BCL7A: variants seen among roughly 807,000 people sequenced by gnomAD.
BCL7A encodes the protein BAF chromatin remodeling complex subunit BCL7A, also known as B-cell CLL/lymphoma 7 protein family member A.
BCL7A carries 11 observed loss-of-function variants against 28.4 expected under a neutral mutation model. The observed-to-expected ratio is 0.39, with a 90% CI of 0.24 to 0.64. BCL7A has a LOEUF of 0.64. Among genes scored for constraint, BCL7A ranks in the 30% least tolerant of loss-of-function variants. The pLI, the probability that BCL7A is intolerant of heterozygous loss-of-function variation, is 0.50. For synonymous variants in BCL7A, 123 were observed against 103.3 expected, an observed-to-expected ratio of 1.19 and a Z score of -1.15; for missense variants, 222 against 274.8, an observed-to-expected ratio of 0.81 and a Z score of 1.36.
intron 1 of BCL7A, 69 bp downstream of exon 1, chr12:122,022,252 C>G: frequency 1.0e-6 from 1 of 977,668 alleles, no homozygotes; most frequent in Non-Finnish European, 1.3e-6. Context: ...TCCAGAGAGC[C>G]GCGGGGCGCA....
chr12:122,039,246 A>G (rs923715125), intron 3 of BCL7A, among the ~76,000 whole-genome samples: 12 of 151,368 alleles, frequency 7.9e-5, no homozygotes, highest in East Asian at 1.9e-4. Context: ...TCAGTGAGCC[A>G]AGATCACGCC....
intron 1 of BCL7A, among the ~76,000 whole-genome samples, chr12:122,030,327 C>T (rs1296271343): frequency 1.3e-5 from 2 of 152,250 alleles, no homozygotes; most frequent in African/African-American, 4.8e-5. Context: ...GGCCTGCTGG[C>T]CTGAAGCCCT....
At chr12:122,035,304 T>C (rs770914102) in intron 2 of BCL7A, 27 bp from the exon 3 acceptor site, 1 of 1,598,336 alleles carries the variant, frequency 6.3e-7, no homozygotes, top group Middle Eastern at 1.7e-4. Flanking sequence ...TCTGGTGACT[T>C]GGTTTCTGCT....
Position 122,060,033 on chromosome 12 carries a change from T to C in BCL7A, c.*870T>C. ...CCCCATCACTGCTTTCTCCCAGACC[T>C]CCGAATACGAAATGGCTTCTCTGGC... is the stretch of plus-strand genomic sequence containing the variant. On this transcript the variant is annotated 3_prime_UTR_variant, in exon 6 of 6. Transcript: ENST00000261822. The C allele has an allele frequency of 4.3e-6, 1 of 233,224 alleles. No individual in the cohort carries two copies. Among genetic ancestry groups the C allele is most frequent in the Non-Finnish European group, 8.5e-6 (1 of 117,786 alleles). 14.4% of individuals were successfully genotyped at this position (233,224 alleles called of 1,614,324 possible). A position where few individuals can be genotyped will look rare whatever the true frequency, so the allele number is the denominator to read the frequency against.
At chr12:122,049,267 A>G (rs1156240999) in intron 4 of BCL7A, among the ~76,000 whole-genome samples, 1 of 151,136 alleles carries the variant, frequency 6.6e-6, no homozygotes, top group Non-Finnish European at 1.5e-5. Flanking sequence ...GAAGAAAGTA[A>G]GAAAGTGTGG....
intron 4 of BCL7A, among the ~76,000 whole-genome samples, chr12:122,048,324 T>G (rs931082256): frequency 2.6e-5 from 4 of 152,216 alleles, no homozygotes; most frequent in African/African-American, 9.6e-5. Context: ...TTGACTCATT[T>G]GTGGTATTGC....
intron 4 of BCL7A, among the ~76,000 whole-genome samples, chr12:122,046,904 G>GT (rs746529090): frequency 0.013 from 1,858 of 138,796 alleles, 15 homozygotes; most frequent in African/African-American, 0.026. Flanking sequence ...TATTTCTTGG[G>GT]TTTTTTTTTT....
At chr12:122,040,333 G>C (rs1883940633) in intron 3 of BCL7A, among the ~76,000 whole-genome samples, 1 of 152,046 alleles carries the variant, frequency 6.6e-6, no homozygotes, top group African/African-American at 2.4e-5. Flanking sequence ...GAGTTGGAGA[G>C]CAGCCTGGCC....
chr12:122,058,016 C>G (rs1201368131), intron 5 of BCL7A, among the ~76,000 whole-genome samples: 2 of 150,886 alleles, frequency 1.3e-5, no homozygotes, highest in Admixed American at 6.6e-5. Context: ...ATAGCAAGAC[C>G]CCATCTCTAC....
intron 3 of BCL7A, among the ~76,000 whole-genome samples, chr12:122,039,170 G>A (rs1418768497): frequency 6.6e-6 from 1 of 151,734 alleles, no homozygotes; most frequent in African/African-American, 2.4e-5. Context: ...GGTGGCTGGT[G>A]CCTGTAGTCC....
chr12:122,022,238 C>G, intron 1 of BCL7A, 55 bp downstream of exon 1: 1 of 1,276,156 alleles, frequency 7.8e-7, no homozygotes. Flanking sequence ...AGCCCGAGCG[C>G]GGCTCCAGAG....
chr12:122,050,954 C>T (rs1307443243), intron 4 of BCL7A, among the ~76,000 whole-genome samples: 3 of 152,190 alleles, frequency 2.0e-5, no homozygotes, highest in Admixed American at 6.5e-5. Flanking sequence ...GGAGCGATTG[C>T]GGGGTTCCCA....
At chr12:122,045,985 C>A (rs1028454707) in intron 4 of BCL7A, among the ~76,000 whole-genome samples, 2 of 135,494 alleles carry the variant, frequency 1.5e-5, no homozygotes, top group East Asian at 2.3e-4. Context: ...GGAGGATCGA[C>A]TGAACCTGAG....
At chr12:122,058,972 G>A in intron 5 of BCL7A, 120 bp from the exon 6 acceptor site, 1 of 789,142 alleles carries the variant, frequency 1.3e-6, no homozygotes, top group Non-Finnish European at 2.1e-6. Context: ...GGAACTGCTG[G>A]TCTGAACCAC....
intron 4 of BCL7A, among the ~76,000 whole-genome samples, chr12:122,047,353 C>T (rs1452429267): frequency 6.6e-6 from 1 of 151,500 alleles, no homozygotes; most frequent in Non-Finnish European, 1.5e-5. Context: ...GAAACCCCGT[C>T]TCTACTAAAA....
chr12:122,027,811 T>TGGTC (rs1555222683), intron 1 of BCL7A, among the ~76,000 whole-genome samples: 2 of 151,554 alleles, frequency 1.3e-5, no homozygotes, highest in Non-Finnish European at 2.9e-5. Context: ...CACTCCAGCC[T>TGGTC]GGGCCACAGA....
chr12:122,052,395 C>T (rs372214184), intron 4 of BCL7A, among the ~76,000 whole-genome samples: 47 of 152,268 alleles, frequency 3.1e-4, no homozygotes, highest in African/African-American at 1.1e-3. Context: ...GAATAATTCA[C>T]TGACAGTACA....
At position 122,041,489 on chromosome 12, in the gene BCL7A, G is replaced by A. The variant is rs183162663; in HGVS notation, c.272-2397G>A. On this transcript the variant is annotated intron_variant, in intron 3 of 5. Transcript: ENST00000261822. ...GTTTAAAACGACTCTCCTAGGTTGG[G>A]CACAGTGGCTCAGGCCTATGATCTC... Among the ~76,000 whole-genome samples the A allele has an allele frequency of 4.0e-3, 604 of 152,314 alleles. 3 individuals carry two copies. The highest frequency in any genetic ancestry group is 0.012 in the South Asian group (60 of 4,828).
rs904777120 is a variant in BCL7A at position 122,043,827 on chromosome 12, C to G, written c.272-59C>G. On this transcript the variant is annotated intron_variant, in intron 3 of 5. Transcript: ENST00000261822. ...GCACAGGGATGCTGAGCCCTCTGAC[C>G]TACCCGTCCTTGGCAGCTGTGGGAT... 2.6e-6 allele frequency: 4 copies of G among 1,530,652 alleles called. No homozygotes were observed. In the Admixed American group the frequency reaches 5.5e-5, roughly 21 times the overall value. The allele number at this position is 1,530,652 out of a possible 1,614,324, so 94.8% of individuals were successfully genotyped here. A position where few individuals can be genotyped will look rare whatever the true frequency, so the allele number is the denominator to read the frequency against.
Sources: allele counts gnomAD v4.1 joint callset (sites outside exome capture counted in the v4.1 genomes callset), GRCh38; gene constraint gnomAD v4.1.1; transcripts MANE v1.5; gene names NCBI Gene and HGNC (gene_info 2026-07-23, HGNC 2026-07-21).